DLG2: variants seen among roughly 807,000 people sequenced by gnomAD.
DLG2 encodes disks large homolog 2.
A neutral mutation model predicts 132.5 loss-of-function variants in DLG2; 45 were observed. The ratio of observed to expected loss-of-function variants is 0.34; its 90% CI spans 0.27 to 0.44. The LOEUF (loss-of-function observed/expected upper bound fraction) is 0.44. Among genes scored for constraint, DLG2 ranks in the 20% least tolerant of loss-of-function variants. The probability of loss-of-function intolerance (pLI) is 1.00; values close to 1 mark genes in which losing one functional copy is unlikely to be tolerated. For missense variants in DLG2, 1,045 were observed against 1,196.9 expected (o/e 0.87, Z 1.87); for synonymous variants, 424 against 419.6 (o/e 1.01, Z -0.13).
chr11:84,849,302 A>C (rs1480054227), intron 6 of DLG2, among the ~76,000 whole-genome samples: 1 of 152,194 alleles, frequency 6.6e-6, no homozygotes, highest in African/African-American at 2.4e-5. Context: ...ATATACAACA[A>C]TAAAACGTGA....
chr11:83,741,303 G>A (rs66768024), intron 18 of DLG2, among the ~76,000 whole-genome samples: 23,071 of 151,896 alleles, frequency 0.15, 2,213 homozygotes, highest in African/African-American at 0.27. Flanking sequence ...GTTCTAGCCA[G>A]GACAATCAGG....
chr11:84,281,478 A>T (rs957400097), intron 7 of DLG2, among the ~76,000 whole-genome samples: 1 of 151,880 alleles, frequency 6.6e-6, no homozygotes, highest in Non-Finnish European at 1.5e-5. Context: ...TTTAGGGTAC[A>T]TGTGCACAAT....
intron 3 of DLG2, among the ~76,000 whole-genome samples, chr11:85,404,005 C>A (rs1395116318): frequency 3.3e-5 from 5 of 151,992 alleles, no homozygotes; most frequent in African/African-American, 1.2e-4. Flanking sequence ...CTCTAACTTG[C>A]ACATTTTAAG....
intron 18 of DLG2, among the ~76,000 whole-genome samples, chr11:83,644,867 CCT>C (rs1404431931): frequency 6.6e-6 from 1 of 151,948 alleles, no homozygotes; most frequent in Non-Finnish European, 1.5e-5. Flanking sequence ...AAAATGTAAC[CCT>C]ATGCCATTCA....
At chr11:84,800,234 C>T (rs1443472728) in intron 6 of DLG2, among the ~76,000 whole-genome samples, 1 of 152,196 alleles carries the variant, frequency 6.6e-6, no homozygotes, top group East Asian at 1.9e-4. Flanking sequence ...CTCTCCCTTT[C>T]TCTCCATTCT....
At chr11:84,824,768 T>C (rs550861203) in intron 6 of DLG2, among the ~76,000 whole-genome samples, 2 of 152,002 alleles carry the variant, frequency 1.3e-5, no homozygotes, top group East Asian at 2.0e-4. Flanking sequence ...AGGCAAAATG[T>C]GTGGCTCAGG....
intron 9 of DLG2, among the ~76,000 whole-genome samples, chr11:84,122,240 A>C (rs1286837243): frequency 6.6e-6 from 1 of 152,092 alleles, no homozygotes; most frequent in Non-Finnish European, 1.5e-5. Flanking sequence ...AAATTTCTTG[A>C]ATCCAGGAGG....
chr11:84,961,572 G>A (rs1378271699), intron 6 of DLG2, among the ~76,000 whole-genome samples: 4 of 150,188 alleles, frequency 2.7e-5, no homozygotes, highest in African/African-American at 9.8e-5. Flanking sequence ...GTGTGTATGT[G>A]TATGCATGCA....
chr11:83,881,040 AT>A (rs368315991), intron 15 of DLG2, among the ~76,000 whole-genome samples: 27 of 78,068 alleles, frequency 3.5e-4, no homozygotes, highest in African/African-American at 1.2e-3. Flanking sequence ...GGTTTTTTCC[AT>A]TTTTTTAAAA....
chr11:84,534,456 T>C, intron 7 of DLG2, 114 bp downstream of exon 7: 1 of 1,067,538 alleles, frequency 9.4e-7, no homozygotes, highest in Non-Finnish European at 1.4e-6. Flanking sequence ...GCAACCCGTG[T>C]CCTCTATCAT....
intron 7 of DLG2, among the ~76,000 whole-genome samples, chr11:84,429,706 C>G (rs147205321): frequency 6.6e-6 from 1 of 152,164 alleles, no homozygotes; most frequent in African/African-American, 2.4e-5. Flanking sequence ...ATAAAACATG[C>G]AGATTATCTG....
rs186976085 is a variant in DLG2, at chr11:85,038,349, A to T, written c.357+73312T>A. ...TACAACAACGTTTTGACAGAAAAAAAGTTTTACTTAAATAGCATAATAGTA... is the reference window on the plus strand; with the variant it reads ...TACAACAACGTTTTGACAGAAAAAATGTTTTACTTAAATAGCATAATAGTA... On this transcript the variant is annotated intron_variant, in intron 6 of 27. Coordinates refer to ENST00000376104, the MANE Select transcript of DLG2 (RefSeq NM_001142699.3). Among the ~76,000 whole-genome samples the T allele has an allele frequency of 5.9e-5, 9 of 152,176 alleles. No homozygotes were observed. In the East Asian group the frequency reaches 1.7e-3, roughly 29 times the overall value.
chr11:84,736,647 T>C (rs984581207), intron 6 of DLG2, among the ~76,000 whole-genome samples: 104 of 152,124 alleles, frequency 6.8e-4, no homozygotes, highest in African/African-American at 2.4e-3. Flanking sequence ...TCATATTTTA[T>C]GGTATTCTAA....
chr11:83,820,040 T>C (rs893255168), intron 17 of DLG2, among the ~76,000 whole-genome samples: 1 of 152,178 alleles, frequency 6.6e-6, no homozygotes, highest in South Asian at 2.1e-4. Flanking sequence ...ATCATTATGA[T>C]AACCAGTTTT....
intron 6 of DLG2, among the ~76,000 whole-genome samples, chr11:85,053,632 CAA>C (rs574119257): frequency 3.3e-5 from 3 of 91,166 alleles, no homozygotes; most frequent in African/African-American, 4.7e-5. Context: ...ACTAAAAATA[CAA>C]AAAAAAAAAA....
intron 4 of DLG2, among the ~76,000 whole-genome samples, chr11:85,175,843 T>C (rs908325111): frequency 3.9e-5 from 6 of 152,122 alleles, no homozygotes; most frequent in African/African-American, 1.4e-4. Flanking sequence ...AGCCAAATCA[T>C]GAATGAATTC....
chr11:83,604,115 T>A (rs191562765), intron 19 of DLG2, among the ~76,000 whole-genome samples: 13 of 152,306 alleles, frequency 8.5e-5, no homozygotes, highest in Admixed American at 8.5e-4. Flanking sequence ...GAAAAGCTAA[T>A]TAAACTAAAC....
intron 7 of DLG2, among the ~76,000 whole-genome samples, chr11:84,526,455 G>A (rs2099320745): frequency 6.6e-6 from 1 of 152,130 alleles, no homozygotes; most frequent in South Asian, 2.1e-4. Flanking sequence ...AGCAAACCTA[G>A]AGGAAAGAAC....
At chr11:84,564,216 T>TA (rs1406482406) in intron 6 of DLG2, among the ~76,000 whole-genome samples, 1 of 152,206 alleles carries the variant, frequency 6.6e-6, no homozygotes, top group African/African-American at 2.4e-5. Context: ...TGGGGGTTTT[T>TA]ATAAAAGCTT....
Sources: allele counts gnomAD v4.1 joint callset (sites outside exome capture counted in the v4.1 genomes callset), GRCh38; gene constraint gnomAD v4.1.1; transcripts MANE v1.5; gene names NCBI Gene and HGNC (gene_info 2026-07-23, HGNC 2026-07-21).